The following TANC2 variants were observed in gnomAD, a reference collection of about 807,000 sequenced individuals.
TANC2 encodes protein TANC2.
A neutral mutation model predicts 210.5 loss-of-function variants in TANC2; 26 were observed. The observed-to-expected ratio is 0.12, with a 90% CI of 0.09 to 0.17. The LOEUF is 0.17. Ranked by LOEUF, TANC2 falls within the 10% of genes least tolerant of loss-of-function variation. The pLI is 1.00. For missense variants in TANC2, 2,129 were observed against 2,608.9 expected (o/e 0.82, Z 4.01); for synonymous variants, 931 against 967.1 (o/e 0.96, Z 0.69).
intron 4 of TANC2, chr17:63,125,139 G>C (rs1293533114): frequency 6.6e-6 from 1 of 152,196 alleles, no homozygotes; most frequent in African/African-American, 2.4e-5. Flanking sequence ...TAATAGTTCA[G>C]ATCCTGCGCT....
intron 12 of TANC2, among the ~76,000 whole-genome samples, chr17:63,350,572 A>G (rs144008825): frequency 1.3e-5 from 2 of 152,260 alleles, no homozygotes; most frequent in African/African-American, 4.8e-5. Flanking sequence ...AACACAGCAG[A>G]TGTTTGTCTT....
chr17:63,102,923 C>G (rs986500333), intron 4 of TANC2, among the ~76,000 whole-genome samples: 2 of 152,088 alleles, frequency 1.3e-5, no homozygotes, highest in Non-Finnish European at 2.9e-5. Context: ...TACAGTCTAA[C>G]AACTATTTGC....
At chr17:63,028,890 A>C (rs1025864384) in intron 2 of TANC2, among the ~76,000 whole-genome samples, 57 of 152,138 alleles carry the variant, frequency 3.7e-4, no homozygotes, top group African/African-American at 1.2e-3. Context: ...AAGGAAAACA[A>C]TTACTTCATG....
At chr17:63,041,778 T>C (rs1391858063) in intron 2 of TANC2, among the ~76,000 whole-genome samples, 2 of 152,092 alleles carry the variant, frequency 1.3e-5, no homozygotes, top group Non-Finnish European at 2.9e-5. Flanking sequence ...GTGGGACTTG[T>C]TGGGGGAAGG....
At chr17:63,411,413 G>A (rs888399390) in intron 21 of TANC2, 98 bp from the exon 22 acceptor site, 1 of 1,183,818 alleles carries the variant, frequency 8.4e-7, no homozygotes. Context: ...CCAGAAACGA[G>A]CAGTGTTCTT....
At chr17:63,279,715 A>G (rs1372715249) in intron 9 of TANC2, among the ~76,000 whole-genome samples, 1 of 152,162 alleles carries the variant, frequency 6.6e-6, no homozygotes, top group East Asian at 1.9e-4. Context: ...TGAGCACTGT[A>G]CAGAAAGGAC....
chr17:63,338,970 T>C (rs1242851339), intron 11 of TANC2: 1 of 152,092 alleles, frequency 6.6e-6, no homozygotes, highest in Non-Finnish European at 1.5e-5. Flanking sequence ...GCCTGATGAG[T>C]TAGAGGTGGT....
intron 3 of TANC2, among the ~76,000 whole-genome samples, chr17:63,075,862 A>G (rs547258094): frequency 1.2e-4 from 18 of 152,290 alleles, no homozygotes; most frequent in African/African-American, 4.3e-4. Flanking sequence ...GTTGAAATGA[A>G]TGAGAAATAG....
intron 2 of TANC2, among the ~76,000 whole-genome samples, chr17:63,038,211 T>A (rs1272270706): frequency 6.6e-6 from 1 of 152,182 alleles, no homozygotes; most frequent in Non-Finnish European, 1.5e-5. Context: ...TATTCCTAGT[T>A]TTCTAGTTTT....
exon 7 of TANC2, chr17:63,200,873 A>G (rs2041510014): frequency 1.9e-6 from 3 of 1,613,752 alleles, no homozygotes; most frequent in African/African-American, 1.3e-5. Context: ...ACCCATCAGT[A>G]CAAATGCAAC....
intron 4 of TANC2, among the ~76,000 whole-genome samples, chr17:63,113,338 A>G (rs1022046882): frequency 2.0e-5 from 3 of 152,274 alleles, no homozygotes; most frequent in Non-Finnish European, 2.9e-5. Context: ...ATGGCAGAGT[A>G]ACTCCCTCTC....
intron 3 of TANC2, among the ~76,000 whole-genome samples, chr17:63,085,364 TTC>T (rs1160964220): frequency 6.6e-6 from 1 of 152,192 alleles, no homozygotes; most frequent in African/African-American, 2.4e-5. Context: ...TGTTACTATT[TTC>T]TGTTTGTTGC....
chr17:63,350,759 A>G (rs531081008), intron 12 of TANC2, among the ~76,000 whole-genome samples: 1 of 152,076 alleles, frequency 6.6e-6, no homozygotes, highest in East Asian at 1.9e-4. Flanking sequence ...CCCACTACAC[A>G]TTCACATTCA....
At chr17:63,322,965 A>G (rs1008918457) in intron 11 of TANC2, among the ~76,000 whole-genome samples, 6 of 152,214 alleles carry the variant, frequency 3.9e-5, no homozygotes, top group African/African-American at 1.4e-4. Context: ...GCACCTAGAC[A>G]TGGAATCCTG....
intron 2 of TANC2, among the ~76,000 whole-genome samples, chr17:63,072,314 T>A (rs1211371515): frequency 6.6e-6 from 1 of 152,092 alleles, no homozygotes; most frequent in Non-Finnish European, 1.5e-5. Context: ...AATGTTCACA[T>A]TTCCTTTAAA....
chr17:63,376,057 A>G (rs1346517217), intron 14 of TANC2, among the ~76,000 whole-genome samples: 1 of 152,184 alleles, frequency 6.6e-6, no homozygotes, highest in African/African-American at 2.4e-5. Flanking sequence ...ACTGCACTCC[A>G]GCCTGGGTGA....
At chr17:63,340,869 C>A (rs1415153381) in intron 12 of TANC2, among the ~76,000 whole-genome samples, 1 of 152,134 alleles carries the variant, frequency 6.6e-6, no homozygotes, top group Non-Finnish European at 1.5e-5. Flanking sequence ...TATAGGAGAG[C>A]TGTTATTTTT....
intron 11 of TANC2, chr17:63,332,576 T>C: frequency 6.6e-6 from 2 of 304,636 alleles, no homozygotes; most frequent in Admixed American, 3.9e-5. Context: ...CCCCGCTGCC[T>C]CTACTTCTAC....
In TANC2 at chr17:63,194,107, C is replaced by G. The variant is rs542076646; in HGVS notation, c.550C>G (p.Gln184Glu). Residue 184 changes from glutamine (Q) to glutamate (E), a missense_variant, in exon 6 of 28, where the codon CAA becomes GAA. Gln to Glu is a conservative substitution (Grantham distance 29). Coordinates refer to ENST00000689528, the Ensembl canonical transcript of TANC2. ...AGTCACAGAAGTTCAGCCAGGTGAC[C>G]AATACAGCATGGAAGTACAGGATGA... The G allele has an allele frequency of 8.7e-6, 14 of 1,613,308 alleles. No homozygotes were observed. The East Asian group carries it at 8.9e-5, about 10-fold the overall frequency.
Sources: allele counts gnomAD v4.1 joint callset (sites outside exome capture counted in the v4.1 genomes callset), GRCh38; gene constraint gnomAD v4.1.1; transcripts MANE v1.5; gene names NCBI Gene and HGNC (gene_info 2026-07-23, HGNC 2026-07-21).